Variants in HS3ST2 observed in about 807,000 individuals in gnomAD.
HS3ST2 encodes heparan sulfate glucosamine 3-O-sulfotransferase 2.
HS3ST2 carries 17 observed loss-of-function variants against 26.3 expected under a neutral mutation model. That is an observed-to-expected ratio of 0.65 (90% confidence interval 0.44 to 0.97). HS3ST2 has a LOEUF of 0.97. Among genes scored for constraint, HS3ST2 ranks in the 50% least tolerant of loss-of-function variants. HS3ST2 has a pLI of 0.00. For missense variants in HS3ST2, 402 were observed against 501.2 expected (o/e 0.80, Z 1.89); for synonymous variants, 237 against 219.2 (o/e 1.08, Z -0.72).
chr16:22,864,567 G>T (rs1386342835), intron 1 of HS3ST2, among the ~76,000 whole-genome samples: 1 of 152,122 alleles, frequency 6.6e-6, no homozygotes, highest in African/African-American at 2.4e-5. Flanking sequence ...TGGCTGCAGG[G>T]GCCCCTCCTG....
intron 1 of HS3ST2, among the ~76,000 whole-genome samples, chr16:22,900,843 G>A (rs774073365): frequency 6.6e-6 from 1 of 152,156 alleles, no homozygotes; most frequent in Non-Finnish European, 1.5e-5. Context: ...AGAAGACGAT[G>A]GGGTGGGAGG....
At chr16:22,829,397 G>A (rs1901137098) in intron 1 of HS3ST2, among the ~76,000 whole-genome samples, 1 of 152,144 alleles carries the variant, frequency 6.6e-6, no homozygotes, top group South Asian at 2.1e-4. Context: ...GGTATTGATT[G>A]TCCCATTTAG....
chr16:22,851,967 G>A (rs1007516224), intron 1 of HS3ST2, among the ~76,000 whole-genome samples: 9 of 152,192 alleles, frequency 5.9e-5, no homozygotes, highest in Non-Finnish European at 1.0e-4. Flanking sequence ...TGAGAGACAC[G>A]TGGAGCAGGC....
chr16:22,836,749 T>C (rs191617051), intron 1 of HS3ST2, among the ~76,000 whole-genome samples: 7 of 152,300 alleles, frequency 4.6e-5, no homozygotes, highest in South Asian at 2.1e-4. Context: ...TTTCAAGTGA[T>C]TCTCCTGCCT....
At position 22,877,363 on chromosome 16, in the gene HS3ST2, C is replaced by T. The variant is rs116205326; in HGVS notation, c.486-37581C>T. Among the ~76,000 whole-genome samples, 415 of 152,252 alleles carry T rather than the reference C, an allele frequency of 2.7e-3. 3 individuals carry two copies. The highest frequency in any genetic ancestry group is 8.8e-3 in the African/African-American group (367 of 41,536). On this transcript the variant is annotated intron_variant, in intron 1 of 1. Transcript: ENST00000261374. The stretch of plus-strand genomic sequence containing the variant: ...AGGATTGACGGGGAGGATTGCTGAC[C>T]GTGGCGTGCTCAGCGACTTCTCCTA...
At chr16:22,818,663 C>T (rs1900910361) in intron 1 of HS3ST2, among the ~76,000 whole-genome samples, 1 of 146,430 alleles carries the variant, frequency 6.8e-6, no homozygotes, top group Non-Finnish European at 1.5e-5. Flanking sequence ...CCTTTTCCTT[C>T]CTTCCTTCCT....
At chr16:22,910,661 C>T (rs1026781518) in intron 1 of HS3ST2, among the ~76,000 whole-genome samples, 1 of 152,130 alleles carries the variant, frequency 6.6e-6, no homozygotes, top group Non-Finnish European at 1.5e-5. Context: ...CTACTCAATA[C>T]TAATAAATAC....
intron 1 of HS3ST2, among the ~76,000 whole-genome samples, chr16:22,852,358 A>G (rs893320206): frequency 2.0e-5 from 3 of 152,208 alleles, no homozygotes; most frequent in African/African-American, 7.2e-5. Flanking sequence ...GGTAGTAAAT[A>G]GCTACTATAA....
At chr16:22,837,483 ATGTG>A (rs111354737) in intron 1 of HS3ST2, among the ~76,000 whole-genome samples, 2 of 144,964 alleles carry the variant, frequency 1.4e-5, no homozygotes, top group Non-Finnish European at 3.0e-5. Flanking sequence ...TTTTTTTCCT[ATGTG>A]TGTGTGTGTG....
intron 1 of HS3ST2, among the ~76,000 whole-genome samples, chr16:22,908,855 G>A (rs142209351): frequency 1.5e-4 from 23 of 152,218 alleles, no homozygotes; most frequent in African/African-American, 5.1e-4. Flanking sequence ...ATATTCAAAC[G>A]ATCGCAAGAG....
At chr16:22,827,710 CTTTTT>C (rs34248118) in intron 1 of HS3ST2, among the ~76,000 whole-genome samples, 1 of 108,976 alleles carries the variant, frequency 9.2e-6, no homozygotes. Context: ...TTCTTTCTTT[CTTTTT>C]TTTTTTTTTT....
chr16:22,823,195 GA>G (rs1461293482), intron 1 of HS3ST2, among the ~76,000 whole-genome samples: 1 of 152,192 alleles, frequency 6.6e-6, no homozygotes, highest in African/African-American at 2.4e-5. Flanking sequence ...AAAACAGTGT[GA>G]TTGAATTTTT....
chr16:22,910,210 A>G (rs1359049428), intron 1 of HS3ST2, among the ~76,000 whole-genome samples: 1 of 152,196 alleles, frequency 6.6e-6, no homozygotes, highest in Non-Finnish European at 1.5e-5. Context: ...TCACAGCTCT[A>G]TAGTCAAGTA....
chr16:22,822,522 G>A (rs1901009143), intron 1 of HS3ST2, among the ~76,000 whole-genome samples: 2 of 152,082 alleles, frequency 1.3e-5, no homozygotes, highest in Admixed American at 1.3e-4. Flanking sequence ...TTATCACAAA[G>A]AACAAGTTTT....
At chr16:22,817,550 T>C (rs28427304) in intron 1 of HS3ST2, among the ~76,000 whole-genome samples, 6,317 of 152,294 alleles carry the variant, frequency 0.041, 433 homozygotes, top group African/African-American at 0.14. Context: ...GCAGAAATCA[T>C]GGGGATTTCT....
intron 1 of HS3ST2, among the ~76,000 whole-genome samples, chr16:22,817,097 C>T (rs933806383): frequency 6.6e-6 from 1 of 152,140 alleles, no homozygotes; most frequent in Non-Finnish European, 1.5e-5. Flanking sequence ...GAGAGGGAAG[C>T]CATGTCTTAT....
intron 1 of HS3ST2, among the ~76,000 whole-genome samples, chr16:22,833,918 T>C (rs1177420756): frequency 6.6e-6 from 1 of 151,412 alleles, no homozygotes; most frequent in Non-Finnish European, 1.5e-5. Context: ...TCAAGATATA[T>C]TGTTCAGCTA....
At chr16:22,839,046 G>A (rs912114703) in intron 1 of HS3ST2, among the ~76,000 whole-genome samples, 11 of 152,186 alleles carry the variant, frequency 7.2e-5, no homozygotes, top group African/African-American at 2.7e-4. Context: ...GCATATCCCT[G>A]CATTGCCTCT....
intron 1 of HS3ST2, among the ~76,000 whole-genome samples, chr16:22,859,831 G>C (rs1238261195): frequency 1.3e-5 from 2 of 152,172 alleles, no homozygotes; most frequent in Non-Finnish European, 2.9e-5. Flanking sequence ...ACTCTGATCT[G>C]GTCTGGACCT....
Sources: gnomAD v4.1 joint callset for allele counts (sites outside exome capture counted in the v4.1 genomes callset) on GRCh38, gnomAD v4.1.1 for gene constraint, MANE v1.5 for transcripts, NCBI Gene and HGNC (gene_info 2026-07-23, HGNC 2026-07-21) for gene names.